FGFR4: variants seen among roughly 807,000 people sequenced by gnomAD.
The protein encoded by FGFR4 is hydroxyaryl-protein kinase.
FGFR4 carries 63 observed loss-of-function variants against 89.9 expected under a neutral mutation model. That is an observed-to-expected ratio of 0.70 (90% CI 0.57 to 0.86). FGFR4 has a LOEUF of 0.86. Among genes scored for constraint, FGFR4 ranks in the 40% least tolerant of loss-of-function variants. FGFR4 has a pLI of 0.00. For synonymous variants in FGFR4, 486 were observed against 479.4 expected (o/e 1.01, Z -0.18); for missense variants, 928 against 1,106.7 (o/e 0.84, Z 2.29).
In FGFR4 at chr5:177,095,624, C is replaced by A. The variant is rs368118547; in HGVS notation, c.1722C>A (p.Pro574=). 4.4e-6 allele frequency: 7 copies of A among 1,605,184 alleles called. No homozygotes were observed. In the South Asian group the frequency reaches 7.8e-5, roughly 18 times the overall value. The change falls in exon 13 of 18, where the codon CCC becomes CCA. Residue 574 remains proline (P), a synonymous_variant. Transcript: ENST00000292408. The surrounding 1 kb of genome is among the most constrained non-coding windows in gnomAD (Gnocchi z 5.7). ...ARRPPGPDLS[P]DGPRSSEGPL... ...GCCCCCCAGGCCCCGACCTCAGCCC[C>A]GACGGTCCTCGGAGCAGTGAGGGGC... is the stretch of plus-strand genomic sequence containing the variant.
rs1415597851 is a variant in FGFR4, at chr5:177,092,715, G to A, written c.988G>A (p.Glu330Lys). 5.6e-6 allele frequency: 9 copies of A among 1,614,250 alleles called. No homozygotes were observed. Among genetic ancestry groups the A allele is most frequent in the South Asian group, 4.4e-5 (4 of 91,086 alleles). ...LRNVSAEDAG[E>K]YTCLAGNSIG... ...GAACGTGTCAGCCGAGGACGCAGGC[G>A]AGTACACCTGCCTCGCAGGCAATTC... Residue 330 changes from glutamate to lysine, a missense_variant, in exon 8 of 18, where the codon GAG (glutamate) becomes AAG (lysine). Around this residue, in one of 5 missense-constraint regions of FGFR4, gnomAD observed 741 missense variants for 836.9 expected, o/e 0.89. Transcript: ENST00000292408.
chr5:177,091,629 T>A, intron 5 of FGFR4, 56 bp from the exon 6 acceptor site: 1 of 1,604,358 alleles, frequency 6.2e-7, no homozygotes, highest in Non-Finnish European at 8.5e-7. Flanking sequence ...CTCCTGGTCC[T>A]CTGGCCCCCT....
At chr5:177,097,457 C>T (rs1784648133) in intron 17 of FGFR4, 60 bp downstream of exon 17, 5 of 1,603,890 alleles carry the variant, frequency 3.1e-6, no homozygotes, top group Non-Finnish European at 3.4e-6. Context: ...CTCATCTGGC[C>T]TGACCGCGTG....
In FGFR4 at chr5:177,091,104, G is replaced by A. The variant is rs2149732350; in HGVS notation, c.603G>A (p.Arg201=). Residue 201 remains arginine, a splice_region_variant and synonymous_variant, in exon 5 of 18, where the codon CGG becomes CGA. Coordinates refer to ENST00000292408, the MANE Select transcript of FGFR4 (RefSeq NM_213647.3). ...GGGAGAACCGCATTGGAGGCATTCGGGTGAGTCTCTGGGTTCCAAGACCGT... is the reference window on the plus strand; with the variant it reads ...GGGAGAACCGCATTGGAGGCATTCGAGTGAGTCTCTGGGTTCCAAGACCGT... The part of the protein sequence containing the change: ...FHGENRIGGI[R]LRHQHWSLVM... 1 of 1,569,648 alleles carries A rather than the reference G, an allele frequency of 6.4e-7. No homozygotes were observed. Among genetic ancestry groups the A allele is most frequent in the Non-Finnish European group, 8.7e-7 (1 of 1,150,202 alleles).
rs1186007129 is a variant in FGFR4 at position 177,097,677 on chromosome 5, G to A, written c.*1G>A. The stretch of plus-strand genomic sequence containing the variant: ...CTTCGGGTCTGGGGTGCAGACATGA[G>A]CAAGGCTCAAGGCTGTGCAGGCACA... On this transcript the variant is annotated 3_prime_UTR_variant, in exon 18 of 18. Coordinates refer to ENST00000292408, the MANE Select transcript of FGFR4 (RefSeq NM_213647.3). The A allele has an allele frequency of 3.1e-6, 5 of 1,613,636 alleles. No homozygotes were observed. In the African/African-American group the frequency reaches 6.7e-5, roughly 22 times the overall value.
chr5:177,092,854 T>C (rs1200499851), intron 8 of FGFR4, 70 bp downstream of exon 8: 5 of 1,610,288 alleles, frequency 3.1e-6, no homozygotes, highest in South Asian at 2.2e-5. Flanking sequence ...CTGTGGCCTG[T>C]TGGGTGGTCA....
rs1249664098 is a variant in FGFR4 at position 177,090,755 on chromosome 5, C to T, written c.366C>T (p.Thr122=). 1.2e-6 allele frequency: 2 copies of T among 1,607,016 alleles called. No individual in the cohort carries two copies. The highest frequency in any genetic ancestry group is 1.7e-6 in the Non-Finnish European group (2 of 1,175,442). The change falls in exon 4 of 18, where the codon ACC becomes ACT. Residue 122 remains threonine, a synonymous_variant. Coordinates refer to ENST00000292408, the MANE Select transcript of FGFR4 (RefSeq NM_213647.3). ...CTGTCCCTGATGTAGACTCCTTGAC[C>T]TCCAGCAACGATGATGAGGACCCCA... ...NLTLITGDSL[T]SSNDDEDPKS... is the part of the protein sequence containing the mutation.
rs1784422619 is a variant in FGFR4, at chr5:177,093,057, G to A, written c.1058-81G>A. 3 of 1,564,778 alleles carry A rather than the reference G, an allele frequency of 1.9e-6. No individual in the cohort carries two copies. The Admixed American group carries it at 5.1e-5, about 26-fold the overall frequency. On this transcript the variant is annotated intron_variant, in intron 8 of 17. Transcript: ENST00000292408. The surrounding 1 kb of genome is among the most constrained non-coding windows in gnomAD (Gnocchi z 5.8). ...CCCCACATATGTTGGGAGCTGGGAG[G>A]GACTGAGTTAGGGTGCACGGGGCGG...
At chr5:177,090,176 C>T (rs573539306) in intron 2 of FGFR4, 3 of 712,410 alleles carry the variant, frequency 4.2e-6, no homozygotes, top group African/African-American at 3.5e-5. Context: ...GTCGTGTGCA[C>T]TAAATGCTGT....
At chr5:177,092,928 A>G (rs1274559671) in intron 8 of FGFR4, 144 bp downstream of exon 8, 4 of 1,393,614 alleles carry the variant, frequency 2.9e-6, no homozygotes, top group African/African-American at 2.8e-5. Flanking sequence ...TTTGAGCTGT[A>G]TGACAGCCCC....
rs1324208278 is a variant in FGFR4 at position 177,095,481 on chromosome 5, G to A, written c.1630+41G>A. ...GGCTGGCTGCACGGGCCGTTAGGGT[G>A]CAGAGCCAAAGCTTTGGCAGCCTCT... On this transcript the variant is annotated intron_variant, in intron 12 of 17. Transcript: ENST00000292408. The surrounding 1 kb of genome is among the most constrained non-coding windows in gnomAD (Gnocchi z 5.7). The A allele has an allele frequency of 2.5e-6, 4 of 1,613,568 alleles. No individual in the cohort carries two copies. The highest frequency in any genetic ancestry group is 3.4e-6 in the Non-Finnish European group (4 of 1,179,806).
rs1412360078 is a variant in FGFR4, at chr5:177,096,493, G to A, written c.2016-111G>A. On this transcript the variant is annotated intron_variant, in intron 15 of 17. Coordinates refer to ENST00000292408, the MANE Select transcript of FGFR4 (RefSeq NM_213647.3). ...GGACCCGAGTGGGCCCAGACTCCAG[G>A]AGGAGCCCATTCCCCAACAGCTGTG... The A allele has an allele frequency of 5.2e-6, 8 of 1,531,878 alleles. 1 individual carries two copies. The Middle Eastern group carries it at 7.1e-4, about 136-fold the overall frequency. The allele number at this position is 1,531,878 out of a possible 1,614,324, so 94.9% of individuals were successfully genotyped here.
At chr5:177,090,684 G>A in intron 3 of FGFR4, 31 bp downstream of exon 3, 1 of 1,538,820 alleles carries the variant, frequency 6.5e-7, no homozygotes, top group East Asian at 2.3e-5. Flanking sequence ...GTGAAGGGAT[G>A]CCTGGGGAGA....
At chr5:177,092,606 C>T (rs1464861285) in intron 7 of FGFR4, 40 bp from the exon 8 acceptor site, 2 of 1,580,638 alleles carry the variant, frequency 1.3e-6, no homozygotes, top group Non-Finnish European at 1.7e-6. Flanking sequence ...AGTGTGGCCC[C>T]AGGCCCTGCT....
At chr5:177,096,266 G>A (rs961817866) in intron 14 of FGFR4, 21 bp from the exon 15 acceptor site, 1 of 1,614,040 alleles carries the variant, frequency 6.2e-7, no homozygotes, top group Non-Finnish European at 8.5e-7. Context: ...ACTCTGCACT[G>A]AGGCCCTCTC....
rs1369223288 is a variant in FGFR4 at position 177,091,739 on chromosome 5, G to T, written c.658G>T (p.Gly220Cys). The T allele has an allele frequency of 6.2e-7, 1 of 1,614,224 alleles. No homozygotes were observed. The highest frequency in any genetic ancestry group is 8.5e-7 in the Non-Finnish European group (1 of 1,180,032). Reference protein sequence around the residue: ...VMESVVPSDRGTYTCLVENAV... With the variant: ...VMESVVPSDRCTYTCLVENAV... ...GGAGAGCGTGGTGCCCTCGGACCGC[G>T]GCACATACACCTGCCTGGTAGAGAA... Residue 220 changes from glycine to cysteine, a missense_variant, in exon 6 of 18, where the codon GGC (glycine) becomes TGC (cysteine). Transcript: ENST00000292408.
chr5:177,089,930 C>A (rs1291145437), intron 2 of FGFR4: 1 of 707,446 alleles, frequency 1.4e-6, no homozygotes, highest in East Asian at 2.7e-5. Context: ...AGCTGGGCTG[C>A]AGAGCTGGTG....
At position 177,091,809 on chromosome 5, in the gene FGFR4, G is replaced by T. The variant is rs775260233; in HGVS notation, c.727+1G>T. On this transcript the variant is annotated splice_donor_variant, in intron 6 of 17. Transcript: ENST00000292408. LOFTEE classifies it high-confidence loss of function. The stretch of plus-strand genomic sequence containing the variant: ...TATAACTACCTGCTAGATGTGCTGG[G>T]TGAGCGCGGGGCTGGGAACAGGGGA... The T allele has an allele frequency of 8.1e-6, 13 of 1,613,976 alleles. No homozygotes were observed. The highest frequency in any genetic ancestry group is 1.1e-5 in the Non-Finnish European group (13 of 1,179,990).
chr5:177,089,948 C>T, intron 2 of FGFR4: 1 of 697,176 alleles, frequency 1.4e-6, no homozygotes, highest in Non-Finnish European at 2.6e-6. Context: ...GTGGTGAGCT[C>T]CTTACCTGGG....
Sources: gnomAD v4.1 joint callset for allele counts on GRCh38, gnomAD v4.1.1 for gene constraint, gnomAD v4.1.1 regional missense constraint, Gnocchi (gnomAD v3.1) non-coding constraint, MANE v1.5 for transcripts, NCBI Gene and HGNC (gene_info 2026-07-23, HGNC 2026-07-21) for gene names.